Variants in UPF3B observed in about 807,000 individuals in gnomAD.
UPF3B encodes the protein regulator of nonsense transcripts 3B.
Under a neutral mutation model 40.3 loss-of-function variants are expected in UPF3B, and 7 were observed. That is an observed-to-expected ratio of 0.17 (90% CI 0.10 to 0.33). The LOEUF is 0.33. UPF3B is among the 10% of genes least tolerant of loss of function. UPF3B has a pLI of 1.00. For missense variants in UPF3B, 229 were observed against 358.9 expected, an observed-to-expected ratio of 0.64 and a Z score of 2.93; for synonymous variants, 117 against 117.3, an observed-to-expected ratio of 1.00 and a Z score of 0.01.
intron 5 of UPF3B, among the ~76,000 whole-genome samples, chrX:119,842,580 T>TCACACACACACACACACA (rs773370806): frequency 1.4e-5 from 1 of 71,457 alleles, no homozygotes; most frequent in African/African-American, 6.1e-5. Context: ...ACTCCATCTC[T>TCACACACACACACACACA]CACACACACA....
In UPF3B at chrX:119,834,972, C is replaced by T; in HGVS notation, c.1358G>A (p.Cys453Tyr). 1 of 1,212,030 alleles carries T rather than the reference C, an allele frequency of 8.3e-7. No individual in the cohort carries two copies. The change falls in exon 11 of 11, where the codon TGT (cysteine) becomes TAT (tyrosine). Residue 453 changes from cysteine to tyrosine, a missense_variant. Coordinates refer to ENST00000276201, the MANE Select transcript of UPF3B (RefSeq NM_080632.3). ...QPGARSRNRL[C>Y]PPDDSTKSGD... ...AGACTTGGTGCTGTCATCAGGGGGA[C>T]AGAGTCGATTTCGGCTTCGAGCTCC...
rs773143922 is a variant in UPF3B, at chrX:119,843,562, C to T, written c.470-261G>A. 3.6e-5 allele frequency among the ~76,000 whole-genome samples: 4 copies of T among 111,723 alleles called. No individual in the cohort carries two copies. The East Asian group carries it at 1.1e-3, about 31-fold the overall frequency. On this transcript the variant is annotated intron_variant, in intron 4 of 10. Coordinates refer to ENST00000276201, the MANE Select transcript of UPF3B (RefSeq NM_080632.3). ...GAGACGCCATGCATTATAACAGAAC[C>T]ACTAGGGGTATTACATAGTTTGCTT...
chrX:119,837,958 C>G lies in UPF3B; in HGVS notation c.1101G>C (p.Lys367Asn), dbSNP rs199727706. The G allele has an allele frequency of 7.7e-5, 93 of 1,208,985 alleles. 1 individual carries two copies. Among genetic ancestry groups the G allele is most frequent in the Non-Finnish European group, 1.0e-4 (91 of 895,184 alleles). Residue 367 changes from lysine to asparagine, a missense_variant, in exon 10 of 11, where the codon AAG (lysine) becomes AAC (asparagine). By Grantham distance (94) the Lys-to-Asn change is moderately conservative. Coordinates refer to ENST00000276201, the MANE Select transcript of UPF3B (RefSeq NM_080632.3). ...ERILRERERL[K>N]RQEEERRRQK... The stretch of plus-strand genomic sequence containing the variant: ...GCCTACGGCGCTCTTCTTCTTGCCG[C>G]TTCAGCCTCTCTCTTTCTCGAAGTA...
chrX:119,809,079 C>T (rs899336812), intron 5 of UPF3B, among the ~76,000 whole-genome samples: 13 of 111,950 alleles, frequency 1.2e-4, no homozygotes, highest in African/African-American at 4.2e-4. Flanking sequence ...CTCACAGTTT[C>T]GAATGGCTCG....
At chrX:119,826,097 C>T (rs1264861399) in intron 3 of UPF3B, among the ~76,000 whole-genome samples, 1 of 110,455 alleles carries the variant, frequency 9.1e-6, no homozygotes, top group African/African-American at 3.3e-5. Flanking sequence ...GGAGGCGGAG[C>T]TTGCAGTGAG....
At chrX:119,812,821 C>G (rs926765660) in intron 5 of UPF3B, among the ~76,000 whole-genome samples, 1 of 111,276 alleles carries the variant, frequency 9.0e-6, no homozygotes, top group Non-Finnish European at 1.9e-5. Context: ...CTGCCATTCA[C>G]CCCTCACTGT....
At chrX:119,817,879 G>T (rs2055878662) in intron 4 of UPF3B, among the ~76,000 whole-genome samples, 2 of 111,888 alleles carry the variant, frequency 1.8e-5, no homozygotes, top group Admixed American at 1.9e-4. Flanking sequence ...CCCCTAAAGA[G>T]ATCAGCAGTT....
chrX:119,834,881 C>T lies in UPF3B; in HGVS notation c.1449G>A (p.Glu483=). The change falls in exon 11 of 11, where the codon GAG becomes GAA. Residue 483 remains glutamate, a synonymous_variant. Coordinates refer to ENST00000276201, the MANE Select transcript of UPF3B (RefSeq NM_080632.3). ...GISHRKEGGE[E] ...CACCTAAGGCCATCTGGACTTATCA[C>T]TCCTCTCCTCCTTCTTTTCTATGGC... The T allele has an allele frequency of 3.3e-6, 4 of 1,211,047 alleles. No homozygotes were observed. Among genetic ancestry groups the T allele is most frequent in the Non-Finnish European group, 4.5e-6 (4 of 895,443 alleles).
intron 4 of UPF3B, among the ~76,000 whole-genome samples, chrX:119,819,575 A>C (rs1352613712): frequency 9.0e-6 from 1 of 111,416 alleles, no homozygotes; most frequent in Non-Finnish European, 1.9e-5. Context: ...TAATTTTAAA[A>C]AGTCTGTAAA....
intron 5 of UPF3B, among the ~76,000 whole-genome samples, chrX:119,814,442 A>G (rs967873032): frequency 8.9e-5 from 10 of 112,693 alleles, no homozygotes; most frequent in South Asian, 3.6e-4. Flanking sequence ...GTTTGCATCA[A>G]TGAAAGTTTG....
intron 3 of UPF3B, among the ~76,000 whole-genome samples, chrX:119,825,232 A>T (rs765580533): frequency 5.4e-5 from 6 of 111,767 alleles, no homozygotes; most frequent in Non-Finnish European, 1.1e-4. Context: ...GAAAGCGGGC[A>T]TGTCTTACAT....
intron 1 of UPF3B, among the ~76,000 whole-genome samples, chrX:119,852,386 T>C (rs984194390): frequency 8.9e-6 from 1 of 112,196 alleles, no homozygotes; most frequent in Non-Finnish European, 1.9e-5. Flanking sequence ...GTACCATTAA[T>C]CACCCTGCAC....
intron 1 of UPF3B, 22 bp downstream of exon 1, chrX:119,852,751 G>C (rs2080709183): frequency 3.3e-6 from 4 of 1,212,035 alleles, no homozygotes; most frequent in Non-Finnish European, 4.5e-6. Flanking sequence ...GCCCTCTCCC[G>C]GGCCAGCGGC....
intron 4 of UPF3B, among the ~76,000 whole-genome samples, chrX:119,819,993 C>T (rs1337839795): frequency 9.1e-6 from 1 of 109,986 alleles, no homozygotes; most frequent in Non-Finnish European, 1.9e-5. Flanking sequence ...TACAGGAGCC[C>T]GCCACTGTGC....
intron 8 of UPF3B, among the ~76,000 whole-genome samples, chrX:119,839,370 C>T (rs1163451959): frequency 8.9e-6 from 1 of 112,275 alleles, no homozygotes; most frequent in Non-Finnish European, 1.9e-5. Flanking sequence ...AATTATTTGG[C>T]ATTTGATTTA....
chrX:119,838,150 A>G, intron 9 of UPF3B, 99 bp from the exon 10 acceptor site: 6 of 1,078,077 alleles, frequency 5.6e-6, no homozygotes, highest in Non-Finnish European at 7.7e-6. Flanking sequence ...ATGAGGTTGC[A>G]CTTTTAGAGC....
intron 3 of UPF3B, 90 bp downstream of exon 3, chrX:119,851,404 TA>T: frequency 3.1e-6 from 2 of 645,704 alleles, no homozygotes; most frequent in Non-Finnish European, 5.1e-6. Context: ...ATTAAATGTG[TA>T]AAACTCTAGG....
chrX:119,814,690 CT>C (rs1225247722), intron 5 of UPF3B, among the ~76,000 whole-genome samples: 2 of 111,644 alleles, frequency 1.8e-5, no homozygotes, highest in Admixed American at 9.6e-5. Context: ...ACATTTCCCC[CT>C]GCAAATTGCA....
chrX:119,828,573 G>A (rs1423628385), intron 3 of UPF3B, among the ~76,000 whole-genome samples: 1 of 109,707 alleles, frequency 9.1e-6, no homozygotes, highest in Non-Finnish European at 1.9e-5. Context: ...TCAAGAAGCT[G>A]TGGTGGGAGA....
Sources: allele counts gnomAD v4.1 joint callset (sites outside exome capture counted in the v4.1 genomes callset), GRCh38; gene constraint gnomAD v4.1.1; transcripts MANE v1.5; gene names NCBI Gene and HGNC (gene_info 2026-07-23, HGNC 2026-07-21).